RAPGEF6: variants seen among roughly 807,000 people sequenced by gnomAD.
RAPGEF6 encodes the protein PDZ domain containing guanine nucleotide exchange factor (GEF) 2.
In RAPGEF6, 56 loss-of-function variants were observed where a neutral mutation model predicts 171.4. That is an observed-to-expected ratio of 0.33 (90% CI 0.26 to 0.41). The LOEUF (loss-of-function observed/expected upper bound fraction) is 0.41, where lower values mean the gene tolerates loss of function less well. RAPGEF6 is among the 10% of genes least tolerant of loss of function. The pLI, the probability that RAPGEF6 is intolerant of heterozygous loss-of-function variation, is 1.00. For missense variants in RAPGEF6, 1,674 were observed against 1,921.4 expected, an observed-to-expected ratio of 0.87 and a Z score of 2.41; for synonymous variants, 692 against 650.1, an observed-to-expected ratio of 1.06 and a Z score of -0.98.
intron 4 of RAPGEF6, among the ~76,000 whole-genome samples, chr5:131,570,758 T>C (rs1231533628): frequency 6.6e-6 from 1 of 152,110 alleles, no homozygotes; most frequent in African/African-American, 2.4e-5. Context: ...ATACTCTCTC[T>C]ATATGTAAAA....
intron 7 of RAPGEF6, among the ~76,000 whole-genome samples, chr5:131,511,481 C>CTT (rs55782171): frequency 0.63 from 86,219 of 137,030 alleles, 28,323 homozygotes; most frequent in Non-Finnish European, 0.74. Flanking sequence ...AAAAGATCAT[C>CTT]TTTTTTTTTT....
intron 1 of RAPGEF6, among the ~76,000 whole-genome samples, chr5:131,612,201 A>ATTTTTTTTTTTTTTTTTTTT (rs35306366): frequency 1.2e-5 from 1 of 83,328 alleles, no homozygotes; most frequent in Non-Finnish European, 2.3e-5. Flanking sequence ...TGCTCAGCTA[A>ATTTTTTTTTTTTTTTTTTTT]TTTTTTTTTT....
chr5:131,520,769 T>A (rs1452903880), intron 7 of RAPGEF6, among the ~76,000 whole-genome samples: 1 of 152,216 alleles, frequency 6.6e-6, no homozygotes, highest in East Asian at 1.9e-4. Context: ...CTTATTACCC[T>A]GGCTTGAACC....
At chr5:131,524,814 C>T (rs1487918196) in intron 6 of RAPGEF6, among the ~76,000 whole-genome samples, 2 of 152,132 alleles carry the variant, frequency 1.3e-5, no homozygotes, top group Non-Finnish European at 2.9e-5. Flanking sequence ...AGGGGTTTCA[C>T]CACATTGGCC....
intron 4 of RAPGEF6, among the ~76,000 whole-genome samples, chr5:131,572,038 T>A (rs755352092): frequency 3.9e-4 from 59 of 152,274 alleles, no homozygotes; most frequent in Middle Eastern, 3.4e-3. Flanking sequence ...TAAGAACCTA[T>A]GATAATCCCA....
intron 11 of RAPGEF6, among the ~76,000 whole-genome samples, chr5:131,504,300 A>G (rs1757206025): frequency 6.6e-6 from 1 of 152,094 alleles, no homozygotes; most frequent in African/African-American, 2.4e-5. Context: ...CGCCTCTACT[A>G]AAAGTACAAA....
chr5:131,533,386 T>C (rs1325958409), intron 6 of RAPGEF6, among the ~76,000 whole-genome samples: 1 of 152,132 alleles, frequency 6.6e-6, no homozygotes, highest in Admixed American at 6.6e-5. Flanking sequence ...TCAAATGTAA[T>C]ACAGTATTGT....
rs1347387050 is a variant in RAPGEF6, at chr5:131,451,733, A to G, written c.3200+1321T>C. Among the ~76,000 whole-genome samples, 5 of 152,232 alleles carry G rather than the reference A, an allele frequency of 3.3e-5. No homozygotes were observed. In the East Asian group the frequency reaches 9.6e-4, roughly 29 times the overall value. On this transcript the variant is annotated intron_variant, in intron 21 of 27. Transcript: ENST00000509018. ...GTGTAAAAGTAATGGCAAAAATCAC[A>G]AATACTTTTGCACCAACCTAATACC...
chr5:131,608,996 G>T (rs1354752858), intron 1 of RAPGEF6, among the ~76,000 whole-genome samples: 1 of 152,054 alleles, frequency 6.6e-6, no homozygotes, highest in Non-Finnish European at 1.5e-5. Context: ...TTGCTTTGCT[G>T]CCCAGGCTGG....
intron 16 of RAPGEF6, 129 bp from the exon 17 acceptor site, chr5:131,472,873 C>A (rs1273198750): frequency 9.3e-6 from 7 of 750,326 alleles, no homozygotes; most frequent in Non-Finnish European, 1.5e-5. Context: ...TGAAATACTA[C>A]AGCAATTTTT....
intron 26 of RAPGEF6, among the ~76,000 whole-genome samples, chr5:131,430,248 G>A (rs1357964913): frequency 1.3e-5 from 2 of 151,796 alleles, no homozygotes; most frequent in African/African-American, 2.4e-5. Flanking sequence ...AAGTAGAAAA[G>A]CAGTTTTATA....
Position 131,469,071 on chromosome 5 carries a change from TA to T in RAPGEF6, c.2239+3515del, listed in dbSNP as rs950288877. The stretch of plus-strand genomic sequence containing the variant: ...TAAATGTCTACTAATGGGGACTGCT[TA>T]AAAAAATTCTGTTAGCTGTTTAAAA... On this transcript the variant is annotated intron_variant, in intron 17 of 27. Transcript: ENST00000509018. Among the ~76,000 whole-genome samples the T allele has an allele frequency of 9.8e-5, 15 of 152,318 alleles. No individual in the cohort carries two copies. In the South Asian group the frequency reaches 1.2e-3, roughly 13 times the overall value.
chr5:131,471,806 G>A (rs1050748516), intron 17 of RAPGEF6, among the ~76,000 whole-genome samples: 10 of 151,938 alleles, frequency 6.6e-5, no homozygotes, highest in East Asian at 1.9e-4. Context: ...ATGCTATAAC[G>A]CTCTGATAAC....
intron 7 of RAPGEF6, among the ~76,000 whole-genome samples, chr5:131,512,789 A>T (rs1757823261): frequency 6.6e-6 from 1 of 152,142 alleles, no homozygotes; most frequent in African/African-American, 2.4e-5. Flanking sequence ...GAATGGGATT[A>T]GTATATAAGA....
Position 131,462,034 on chromosome 5 carries a change from A to T in RAPGEF6, c.2535T>A (p.Ala845=), listed in dbSNP as rs536699749. Residue 845 remains alanine, a synonymous_variant, in exon 19 of 28, where the codon GCT becomes GCA. Transcript: ENST00000509018. ...GCTGGCTTTCCTTAACTAGTTCTTG[A>T]GCATCTTCATCTGAACATAAGGTTT... is the stretch of plus-strand genomic sequence containing the variant. The part of the protein sequence containing the change: ...ETETLCSDED[A]QELVKESQLS... 9.3e-6 allele frequency: 15 copies of T among 1,612,656 alleles called. No homozygotes were observed. The highest frequency in any genetic ancestry group is 1.3e-5 in the African/African-American group (1 of 74,880).
At chr5:131,529,081 A>C (rs1455054622) in intron 6 of RAPGEF6, among the ~76,000 whole-genome samples, 1 of 152,112 alleles carries the variant, frequency 6.6e-6, no homozygotes, top group African/African-American at 2.4e-5. Context: ...GCTCCCAACT[A>C]AGAACCACTT....
At chr5:131,427,585 T>A (rs911835422) in intron 27 of RAPGEF6, among the ~76,000 whole-genome samples, 1 of 152,184 alleles carries the variant, frequency 6.6e-6, no homozygotes, top group Non-Finnish European at 1.5e-5. Flanking sequence ...ACAAAGTCAG[T>A]CAAGACTTTT....
At chr5:131,427,412 G>T (rs759276225) in intron 27 of RAPGEF6, 121 bp from the exon 28 acceptor site, 1 of 798,794 alleles carries the variant, frequency 1.3e-6, no homozygotes, top group Non-Finnish European at 2.0e-6. Flanking sequence ...TTGCATCGAG[G>T]CCCAGATTTT....
chr5:131,536,827 T>G (rs994453), intron 6 of RAPGEF6, among the ~76,000 whole-genome samples: 96,942 of 152,100 alleles, frequency 0.64, 32,659 homozygotes, highest in Non-Finnish European at 0.77. Flanking sequence ...TCAAACAGCG[T>G]ATTAATTTTC....
Sources: gnomAD v4.1 joint callset for allele counts (sites outside exome capture counted in the v4.1 genomes callset) on GRCh38, gnomAD v4.1.1 for gene constraint, MANE v1.5 for transcripts, NCBI Gene and HGNC (gene_info 2026-07-23, HGNC 2026-07-21) for gene names.